CNTNAP3: variants seen among roughly 807,000 people sequenced by gnomAD.
CNTNAP3 encodes contactin-associated protein-like 3.
In CNTNAP3, 36 loss-of-function variants were observed where a neutral mutation model predicts 92.1. That is an observed-to-expected ratio of 0.39 (90% confidence interval 0.30 to 0.52). CNTNAP3 has a LOEUF of 0.52. CNTNAP3 is among the 20% of genes least tolerant of loss of function. The pLI, the probability that CNTNAP3 is intolerant of heterozygous loss-of-function variation, is 0.76. For synonymous variants in CNTNAP3, 232 were observed against 422.3 expected (o/e 0.55, Z 5.53); for missense variants, 534 against 1,069.6 (o/e 0.50, Z 6.98).
chr9:39,099,022 G>C (rs1826390704), intron 18 of CNTNAP3, among the ~76,000 whole-genome samples: 1 of 150,874 alleles, frequency 6.6e-6, no homozygotes, highest in Admixed American at 6.6e-5. Flanking sequence ...CCGCCCAGGA[G>C]TGAGTGCAGT....
intron 9 of CNTNAP3, among the ~76,000 whole-genome samples, chr9:39,151,754 T>C (rs1821848644): frequency 6.8e-6 from 1 of 148,034 alleles, no homozygotes; most frequent in Admixed American, 6.7e-5. Flanking sequence ...TTGTATATTA[T>C]GAAATTATAT....
intron 12 of CNTNAP3, among the ~76,000 whole-genome samples, chr9:39,137,093 T>G (rs1821456168): frequency 6.6e-6 from 1 of 151,756 alleles, no homozygotes; most frequent in African/African-American, 2.4e-5. Flanking sequence ...CTTTCTTTCT[T>G]CTCCTAGAAT....
chr9:39,136,383 T>C (rs1279557607), intron 12 of CNTNAP3, among the ~76,000 whole-genome samples: 1 of 152,088 alleles, frequency 6.6e-6, no homozygotes, highest in Non-Finnish European at 1.5e-5. Flanking sequence ...GGAGCATACA[T>C]ATTAAGGTTA....
At chr9:39,090,887 T>C (rs372416195) in intron 18 of CNTNAP3, among the ~76,000 whole-genome samples, 3,855 of 117,588 alleles carry the variant, frequency 0.033, no homozygotes, top group Admixed American at 0.074. Context: ...GTTTTCAGTG[T>C]GTTTTCCATT....
chr9:39,103,718 T>C, intron 16 of CNTNAP3, 26 bp downstream of exon 16: 1 of 1,602,540 alleles, frequency 6.2e-7, no homozygotes, highest in Non-Finnish European at 8.5e-7. Flanking sequence ...GGGTACCCTG[T>C]GACTTGTCCA....
In CNTNAP3 at chr9:39,231,954, G is replaced by GTGTATATA. The variant is rs1554653874; in HGVS notation, c.390+7038_390+7039insTATATACA. Among the ~76,000 whole-genome samples the GTGTATATA allele has an allele frequency of 2.2e-3, 13 of 5,964 alleles. 5 individuals carry two copies. The highest frequency in any genetic ancestry group is 2.3e-3 in the African/African-American group (13 of 5,548). 3.9% of individuals were successfully genotyped at this position (5,964 alleles called of 152,430 possible). A position where few individuals can be genotyped will look rare whatever the true frequency, so the allele number is the denominator to read the frequency against. ...GGATCATTTATGTGTGTGTATGTGTGTATATATATATATATATAAGTGGGA... is the reference window on the plus strand; with the variant it reads ...GGATCATTTATGTGTGTGTATGTGTGTGTATATATATATATATATATATATAAGTGGGA... On this transcript the variant is annotated intron_variant, in intron 3 of 23. Transcript: ENST00000297668.
At chr9:39,114,298 G>C in intron 14 of CNTNAP3, among the ~76,000 whole-genome samples, 1 of 151,874 alleles carries the variant, frequency 6.6e-6, no homozygotes. Context: ...TGTTAGCCAG[G>C]ATGGTCTCGA....
intron 14 of CNTNAP3, among the ~76,000 whole-genome samples, chr9:39,116,367 T>C (rs1359662368): frequency 6.6e-6 from 1 of 151,694 alleles, no homozygotes; most frequent in South Asian, 2.1e-4. Flanking sequence ...CCTTGTGGAA[T>C]GGAGGAAATG....
chr9:39,096,203 G>T lies in CNTNAP3; in HGVS notation c.2995+3708C>A, dbSNP rs1452685342. ...AATAGTTAAGCACTGAAAAGGGTAA[G>T]AAATATGACATTATACTTTCTTTTA... On this transcript the variant is annotated intron_variant, in intron 18 of 23. Coordinates refer to ENST00000297668, the MANE Select transcript of CNTNAP3 (RefSeq NM_033655.5). 1.4e-4 allele frequency among the ~76,000 whole-genome samples: 19 copies of T among 137,816 alleles called. 3 individuals carry two copies. The highest frequency in any genetic ancestry group is 4.5e-4 in the African/African-American group (17 of 38,058). The allele number at this position is 137,816 out of a possible 152,430, so 90.4% of individuals were successfully genotyped here.
chr9:39,127,804 T>G (rs1043614080), intron 13 of CNTNAP3, among the ~76,000 whole-genome samples: 1 of 151,598 alleles, frequency 6.6e-6, no homozygotes, highest in Non-Finnish European at 1.5e-5. Flanking sequence ...TTGGCCCAGA[T>G]GGTTTTACTG....
At chr9:39,089,702 T>G (rs998476864) in intron 18 of CNTNAP3, among the ~76,000 whole-genome samples, 1 of 149,292 alleles carries the variant, frequency 6.7e-6, no homozygotes, top group African/African-American at 2.4e-5. Context: ...GGTTTTAATA[T>G]CTCCACATCC....
intron 10 of CNTNAP3, among the ~76,000 whole-genome samples, chr9:39,148,728 T>C (rs902075036): frequency 9.2e-5 from 14 of 152,138 alleles, no homozygotes; most frequent in Non-Finnish European, 1.5e-4. Context: ...GGTTTCACCA[T>C]GTTAGCCAGG....
At chr9:39,096,498 A>G (rs1826329033) in intron 18 of CNTNAP3, among the ~76,000 whole-genome samples, 1 of 151,994 alleles carries the variant, frequency 6.6e-6, no homozygotes, top group South Asian at 2.1e-4. Flanking sequence ...TGTAATGATC[A>G]AATCAGGGTA....
intron 13 of CNTNAP3, 37 bp from the exon 14 acceptor site, chr9:39,118,296 G>T (rs1347880367): frequency 6.2e-7 from 1 of 1,612,370 alleles, no homozygotes; most frequent in Non-Finnish European, 8.5e-7. Flanking sequence ...CATCTACTTT[G>T]TCCCTCACTA....
At chr9:39,110,505 T>G (rs1251458895) in intron 14 of CNTNAP3, among the ~76,000 whole-genome samples, 2 of 152,186 alleles carry the variant, frequency 1.3e-5, no homozygotes, top group Non-Finnish European at 2.9e-5. Flanking sequence ...TATTTTAGTC[T>G]CTGCCTTCTG....
At chr9:39,097,309 C>T (rs1260102211) in intron 18 of CNTNAP3, among the ~76,000 whole-genome samples, 2 of 152,082 alleles carry the variant, frequency 1.3e-5, no homozygotes, top group Non-Finnish European at 2.9e-5. Context: ...TGGCCTCCCT[C>T]TACCTCTTGG....
chr9:39,109,503 A>T (rs2778206), intron 14 of CNTNAP3, among the ~76,000 whole-genome samples: 7 of 152,174 alleles, frequency 4.6e-5, no homozygotes, highest in Non-Finnish European at 7.3e-5. Flanking sequence ...ATCTTAGCTC[A>T]GCAGGCCATG....
At position 39,086,801 on chromosome 9, in the gene CNTNAP3, G is replaced by C; in HGVS notation, c.3269C>G (p.Ala1090Gly). 6.2e-7 allele frequency: 1 copy of C among 1,610,444 alleles called. No individual in the cohort carries two copies. Among genetic ancestry groups the C allele is most frequent in the South Asian group, 1.1e-5 (1 of 90,852 alleles). ...CATGTTTTTAAAATCAAAGGTAAAT[G>C]CATCAGGATTTTGATGTCTATCTAG... ...YKLDRHQNPDAFTFDFKNMAD... is the reference protein window; with the variant it reads ...YKLDRHQNPDGFTFDFKNMAD... The change falls in exon 20 of 24, where the codon GCA becomes GGA. Residue 1090 changes from alanine (A) to glycine (G), a missense_variant. Ala to Gly is a moderately conservative substitution (Grantham distance 60). Coordinates refer to ENST00000297668, the MANE Select transcript of CNTNAP3 (RefSeq NM_033655.5).
At chr9:39,113,531 G>A (rs1820760765) in intron 14 of CNTNAP3, among the ~76,000 whole-genome samples, 1 of 151,018 alleles carries the variant, frequency 6.6e-6, no homozygotes, top group African/African-American at 2.4e-5. Flanking sequence ...TATTATTTTG[G>A]ATTTTCTATG....
Sources: allele counts gnomAD v4.1 joint callset (sites outside exome capture counted in the v4.1 genomes callset), GRCh38; gene constraint gnomAD v4.1.1; transcripts MANE v1.5; gene names NCBI Gene and HGNC (gene_info 2026-07-23, HGNC 2026-07-21).